RBM47: variants seen among roughly 807,000 people sequenced by gnomAD.
The protein encoded by RBM47 is RNA binding motif protein 47.
RBM47 carries 21 observed loss-of-function variants against 47.1 expected under a neutral mutation model. The observed-to-expected ratio is 0.45, with a 90% CI of 0.32 to 0.64. RBM47 has a LOEUF of 0.64. RBM47 is among the 30% of genes least tolerant of loss of function. The pLI is 0.05. For missense variants in RBM47, 708 were observed against 870.9 expected, an observed-to-expected ratio of 0.81 and a Z score of 2.35; for synonymous variants, 375 against 361.7, an observed-to-expected ratio of 1.04 and a Z score of -0.42.
intron 2 of RBM47, among the ~76,000 whole-genome samples, chr4:40,508,050 G>C (rs1056535435): frequency 6.6e-6 from 1 of 152,186 alleles, no homozygotes; most frequent in Non-Finnish European, 1.5e-5. Flanking sequence ...TGGGCAACAA[G>C]AGCGAAATCC....
At chr4:40,517,127 T>A (rs1402838777) in intron 2 of RBM47, among the ~76,000 whole-genome samples, 1 of 118,618 alleles carries the variant, frequency 8.4e-6, no homozygotes, top group Non-Finnish European at 1.7e-5. Context: ...CTTCCTTCCC[T>A]CCTTCCTTCC....
intron 1 of RBM47, among the ~76,000 whole-genome samples, chr4:40,601,958 T>C (rs1398579592): frequency 6.6e-6 from 1 of 151,676 alleles, no homozygotes; most frequent in Non-Finnish European, 1.5e-5. Flanking sequence ...AGCTTGAGGT[T>C]AGGAGTTTGA....
intron 5 of RBM47, among the ~76,000 whole-genome samples, chr4:40,433,981 A>AGT (rs1301675218): frequency 2.9e-5 from 3 of 103,142 alleles, no homozygotes; most frequent in African/African-American, 1.2e-4. Flanking sequence ...CTTTTGTGTG[A>AGT]GTGTGTGTGT....
chr4:40,579,935 T>G lies in RBM47; in HGVS notation c.-239-35429A>C, dbSNP rs1732723786. Among the ~76,000 whole-genome samples the G allele has an allele frequency of 2.0e-5, 3 of 152,046 alleles. No homozygotes were observed. In the South Asian group the frequency reaches 6.2e-4, roughly 32 times the overall value. On this transcript the variant is annotated intron_variant, in intron 1 of 6. Coordinates refer to ENST00000295971, the MANE Select transcript of RBM47 (RefSeq NM_001098634.2). ...TCTATTTTTTTAAATTATTTTTTAT[T>G]TTTGTAGAGACAGGGTCTCGCCTTG...
chr4:40,492,525 G>T lies in RBM47; in HGVS notation c.-154-25826C>A, dbSNP rs145164330. ...CCGATCATTGTTTCCAAGGAACAAA[G>T]CTCAGGCATGCACCTGTGGATGCCA... On this transcript the variant is annotated intron_variant, in intron 2 of 6. Coordinates refer to ENST00000295971, the MANE Select transcript of RBM47 (RefSeq NM_001098634.2). Among the ~76,000 whole-genome samples the T allele has an allele frequency of 4.6e-5, 7 of 152,246 alleles. No individual in the cohort carries two copies. In the East Asian group the frequency reaches 5.8e-4, roughly 13 times the overall value.
chr4:40,559,528 A>G (rs1451417339), intron 1 of RBM47, among the ~76,000 whole-genome samples: 1 of 152,244 alleles, frequency 6.6e-6, no homozygotes, highest in African/African-American at 2.4e-5. Flanking sequence ...ATTTTTTAAA[A>G]ATAAGACTGT....
chr4:40,622,080 C>T (rs1737319612), intron 1 of RBM47, among the ~76,000 whole-genome samples: 1 of 152,216 alleles, frequency 6.6e-6, no homozygotes. Flanking sequence ...ATTTATTCAA[C>T]AAGTATTTAT....
intron 3 of RBM47, among the ~76,000 whole-genome samples, chr4:40,454,077 C>T (rs1277104436): frequency 1.3e-5 from 2 of 152,182 alleles, no homozygotes; most frequent in Admixed American, 6.5e-5. Flanking sequence ...TTTGTTGGCA[C>T]ATAATCCACA....
At chr4:40,481,497 TATTTTTGAGATGTACTCAAGCCCTGG>T (rs1237053654) in intron 2 of RBM47, among the ~76,000 whole-genome samples, 1 of 141,694 alleles carries the variant, frequency 7.1e-6, no homozygotes, top group Non-Finnish European at 1.5e-5. Flanking sequence ...TTTTTATTTT[TATTTTTGAGATGTACTCAAGCCCTGG>T]GGAAGTGCAG....
Position 40,430,197 on chromosome 4 carries a change from AAAACAAACAAACAAAC to A in RBM47, c.1542+2438_1542+2453del, listed in dbSNP as rs145107424. Among the ~76,000 whole-genome samples the A allele has an allele frequency of 8.0e-5, 12 of 150,232 alleles. 2 individuals carry two copies. The highest frequency in any genetic ancestry group is 2.7e-4 in the African/African-American group (11 of 40,774). ...GCGACAGAGCGAGACACCGTCGCAA[AAAACAAACAAACAAAC>A]AAACAAACAAACAAACAAAAAAAGA... On this transcript the variant is annotated intron_variant, in intron 6 of 6. Coordinates refer to ENST00000295971, the MANE Select transcript of RBM47 (RefSeq NM_001098634.2).
chr4:40,438,845 CG>C lies in RBM47; in HGVS notation c.48del (p.Ser18ProfsTer21). On this transcript the variant is annotated frameshift_variant, in exon 4 of 7. Coordinates refer to ENST00000295971, the MANE Select transcript of RBM47 (RefSeq NM_001098634.2). LOFTEE classifies it high-confidence loss of function. ...STAAMSSDSAAGSSAKVPEGV... is the reference protein window; with the variant it reads ...STAAMSSDSAXGSSAKVPEGV... ...CCCTCGGGCACCTTGGCGGAGGACC[CG>C]GCGGCCGAGTCACTGCTCATGGCTG... The C allele has an allele frequency of 6.4e-7, 1 of 1,558,352 alleles. No individual in the cohort carries two copies. The highest frequency in any genetic ancestry group is 8.6e-7 in the Non-Finnish European group (1 of 1,157,842).
At chr4:40,516,941 G>C (rs916760409) in intron 2 of RBM47, among the ~76,000 whole-genome samples, 9 of 152,094 alleles carry the variant, frequency 5.9e-5, no homozygotes, top group Admixed American at 5.2e-4. Flanking sequence ...TGTCCCTTGC[G>C]TGCCCTTCTT....
intron 1 of RBM47, among the ~76,000 whole-genome samples, chr4:40,593,925 C>T (rs1380425107): frequency 6.6e-6 from 1 of 150,790 alleles, no homozygotes; most frequent in Non-Finnish European, 1.5e-5. Context: ...TGGTGGGTGC[C>T]TGTAATCCCA....
intron 2 of RBM47, among the ~76,000 whole-genome samples, chr4:40,493,496 T>C (rs545553712): frequency 6.6e-6 from 1 of 152,218 alleles, no homozygotes; most frequent in Admixed American, 6.5e-5. Flanking sequence ...AAAATTTATA[T>C]GTTTTGGCCT....
At chr4:40,621,188 G>A (rs1056317466) in intron 1 of RBM47, among the ~76,000 whole-genome samples, 5 of 152,034 alleles carry the variant, frequency 3.3e-5, no homozygotes, top group African/African-American at 9.7e-5. Context: ...TGGTTTTAGG[G>A]TCCCCAAGCC....
chr4:40,436,203 C>CAAAAA (rs11452587), intron 5 of RBM47, among the ~76,000 whole-genome samples: 7 of 140,276 alleles, frequency 5.0e-5, no homozygotes, highest in Admixed American at 2.8e-4. Context: ...AACAAACAAA[C>CAAAAA]AAAAAAAAAC....
chr4:40,601,479 T>C (rs1735279334), intron 1 of RBM47, among the ~76,000 whole-genome samples: 1 of 152,206 alleles, frequency 6.6e-6, no homozygotes, highest in Non-Finnish European at 1.5e-5. Context: ...TGCAGAAAAC[T>C]ACCTGAACGC....
intron 3 of RBM47, among the ~76,000 whole-genome samples, chr4:40,452,356 T>C (rs1715574910): frequency 6.6e-6 from 1 of 152,114 alleles, no homozygotes; most frequent in Non-Finnish European, 1.5e-5. Context: ...TCTCACTTTC[T>C]GTGGTAGACA....
intron 3 of RBM47, among the ~76,000 whole-genome samples, chr4:40,457,146 G>T (rs1237850196): frequency 6.6e-6 from 1 of 151,936 alleles, no homozygotes; most frequent in South Asian, 2.1e-4. Flanking sequence ...GGGGTCGGGC[G>T]TGGTGGCTCA....
Sources: gnomAD v4.1 joint callset for allele counts (sites outside exome capture counted in the v4.1 genomes callset) on GRCh38, gnomAD v4.1.1 for gene constraint, MANE v1.5 for transcripts, NCBI Gene and HGNC (gene_info 2026-07-23, HGNC 2026-07-21) for gene names.